Variants in DLC1 observed in about 807,000 individuals in gnomAD.
DLC1 encodes the protein rho GTPase-activating protein 7.
In DLC1, 54 loss-of-function variants were observed where a neutral mutation model predicts 140.3. The observed-to-expected ratio is 0.38, with a 90% CI of 0.31 to 0.48. DLC1 has a LOEUF of 0.48. Ranked by LOEUF, DLC1 falls within the 20% of genes least tolerant of loss-of-function variation. The probability of loss-of-function intolerance (pLI) is 0.96; values close to 1 mark genes in which losing one functional copy is unlikely to be tolerated. For synonymous variants in DLC1, 986 were observed against 728.1 expected (o/e 1.35, Z -5.70); for missense variants, 2,536 against 1,907.0 (o/e 1.33, Z -6.14).
chr8:13,465,633 C>G (rs532479538), intron 2 of DLC1, among the ~76,000 whole-genome samples: 6 of 151,850 alleles, frequency 4.0e-5, no homozygotes, highest in Non-Finnish European at 8.8e-5. Flanking sequence ...TATTTGAATA[C>G]TATTCTTTGT....
At chr8:13,424,808 C>T (rs975289183) in intron 2 of DLC1, among the ~76,000 whole-genome samples, 1 of 152,006 alleles carries the variant, frequency 6.6e-6, no homozygotes, top group Admixed American at 6.6e-5. Flanking sequence ...CTCCTGACCT[C>T]GAGATCTGCC....
intron 5 of DLC1, among the ~76,000 whole-genome samples, chr8:13,280,057 A>G (rs1349195472): frequency 1.3e-5 from 2 of 151,604 alleles, no homozygotes; most frequent in Non-Finnish European, 2.9e-5. Context: ...AGGTGCATGG[A>G]TCATGAGGTC....
intron 5 of DLC1, among the ~76,000 whole-genome samples, chr8:13,132,600 C>A (rs1336634655): frequency 6.6e-6 from 1 of 152,042 alleles, no homozygotes; most frequent in Non-Finnish European, 1.5e-5. Flanking sequence ...CCGCGCCCCT[C>A]GAGCCAGAGC....
At chr8:13,107,943 G>T (rs962734926) in intron 7 of DLC1, among the ~76,000 whole-genome samples, 2 of 152,102 alleles carry the variant, frequency 1.3e-5, no homozygotes, top group Non-Finnish European at 2.9e-5. Flanking sequence ...CTATTCAGGG[G>T]GCTGAGGCAG....
chr8:13,473,603 C>G (rs1012315425), intron 2 of DLC1, among the ~76,000 whole-genome samples: 3 of 151,880 alleles, frequency 2.0e-5, no homozygotes, highest in African/African-American at 7.3e-5. Context: ...TGGAAAAGTT[C>G]AGAACTTTCT....
At chr8:13,574,661 A>G (rs111278106) in intron 1 of DLC1, among the ~76,000 whole-genome samples, 10 of 152,292 alleles carry the variant, frequency 6.6e-5, no homozygotes, top group African/African-American at 2.2e-4. Flanking sequence ...CTCTAGGTTT[A>G]TCATCAAATA....
At chr8:13,121,629 G>A in intron 5 of DLC1, among the ~76,000 whole-genome samples, 1 of 152,060 alleles carries the variant, frequency 6.6e-6, no homozygotes, top group East Asian at 1.9e-4. Context: ...GCTCTCTGTA[G>A]CCTTGAACTC....
chr8:13,161,334 T>G (rs1225817344), intron 5 of DLC1, among the ~76,000 whole-genome samples: 1 of 151,852 alleles, frequency 6.6e-6, no homozygotes, highest in Non-Finnish European at 1.5e-5. Context: ...GTGGGTTTTT[T>G]TTGTTTTGTT....
At chr8:13,466,927 C>T (rs191460075) in intron 2 of DLC1, among the ~76,000 whole-genome samples, 1 of 135,252 alleles carries the variant, frequency 7.4e-6, no homozygotes, top group Admixed American at 8.1e-5. Flanking sequence ...AGTCAGTTAA[C>T]AGTGGTTGTC....
At chr8:13,482,342 C>CAG (rs34281588) in intron 2 of DLC1, among the ~76,000 whole-genome samples, 109,329 of 151,296 alleles carry the variant, frequency 0.72, 40,205 homozygotes, top group Middle Eastern at 0.82. Flanking sequence ...TGGGACAAGT[C>CAG]AGAGAGAGAG....
At chr8:13,133,845 T>C (rs2128965597) in intron 5 of DLC1, among the ~76,000 whole-genome samples, 1 of 152,148 alleles carries the variant, frequency 6.6e-6, no homozygotes, top group Non-Finnish European at 1.5e-5. Flanking sequence ...TGTTTCCAGA[T>C]CTGTAAAAAC....
At chr8:13,174,853 T>C (rs972021708) in intron 5 of DLC1, among the ~76,000 whole-genome samples, 1 of 152,194 alleles carries the variant, frequency 6.6e-6, no homozygotes, top group Non-Finnish European at 1.5e-5. Context: ...GCAGAAGTTC[T>C]TCTGTTTAAT....
chr8:13,527,201 C>G lies in DLC1; in HGVS notation c.-125-27005G>C, dbSNP rs1802944930. ...CATTACAATGTTGAACAACAGCTTTCATAACAAATAATTATCAGACCCAAA... is the reference window on the plus strand; with the variant it reads ...CATTACAATGTTGAACAACAGCTTTGATAACAAATAATTATCAGACCCAAA... On this transcript the variant is annotated intron_variant, in intron 1 of 1. Transcript: ENST00000631382. Among the ~76,000 whole-genome samples, 3 of 152,188 alleles carry G rather than the reference C, an allele frequency of 2.0e-5. No homozygotes were observed. The South Asian group carries it at 6.2e-4, about 32-fold the overall frequency.
At chr8:13,192,699 G>A (rs530490684) in intron 5 of DLC1, among the ~76,000 whole-genome samples, 1 of 152,312 alleles carries the variant, frequency 6.6e-6, no homozygotes, top group Non-Finnish European at 1.5e-5. Flanking sequence ...TTAAAGAGGT[G>A]AGTGGGTTAA....
At chr8:13,370,723 G>A (rs970938241) in intron 4 of DLC1, among the ~76,000 whole-genome samples, 3 of 152,222 alleles carry the variant, frequency 2.0e-5, no homozygotes, top group South Asian at 2.1e-4. Flanking sequence ...TTTTGGCTAC[G>A]TTCTTAGGTT....
intron 1 of DLC1, among the ~76,000 whole-genome samples, chr8:13,501,149 A>G (rs952276407): frequency 6.6e-6 from 1 of 152,224 alleles, no homozygotes; most frequent in South Asian, 2.1e-4. Flanking sequence ...ACTATTCTTC[A>G]GAAACTTCAG....
At chr8:13,544,513 G>A (rs1239424837) in intron 1 of DLC1, among the ~76,000 whole-genome samples, 3 of 152,168 alleles carry the variant, frequency 2.0e-5, no homozygotes, top group African/African-American at 7.2e-5. Flanking sequence ...GGATCTGAGA[G>A]CCTACAGCGT....
intron 5 of DLC1, among the ~76,000 whole-genome samples, chr8:13,164,146 G>T (rs1207382603): frequency 6.6e-6 from 1 of 152,006 alleles, no homozygotes; most frequent in Non-Finnish European, 1.5e-5. Flanking sequence ...AAAAATACAA[G>T]AATTAGCTGG....
intron 4 of DLC1, among the ~76,000 whole-genome samples, chr8:13,307,972 T>A (rs552806786): frequency 1.5e-4 from 23 of 152,328 alleles, no homozygotes; most frequent in African/African-American, 5.3e-4. Flanking sequence ...TCTATAGGAA[T>A]ATTTTGTATG....
Sources: gnomAD v4.1 joint callset for allele counts (sites outside exome capture counted in the v4.1 genomes callset) on GRCh38, gnomAD v4.1.1 for gene constraint, MANE v1.5 for transcripts, NCBI Gene and HGNC (gene_info 2026-07-23, HGNC 2026-07-21) for gene names.